PPP1R1C: variants seen among roughly 807,000 people sequenced by gnomAD.
PPP1R1C encodes protein phosphatase 1 regulatory inhibitor subunit 1C.
In PPP1R1C, 15 loss-of-function variants were observed where a neutral mutation model predicts 17.4. The observed-to-expected ratio is 0.86, with a 90% CI of 0.58 to 1.33. The LOEUF is 1.33. Ranked by LOEUF, PPP1R1C falls within the 40% of genes most tolerant of loss-of-function variation. The pLI is 0.00. For synonymous variants in PPP1R1C, 35 were observed against 43.1 expected (o/e 0.81, Z 0.73); for missense variants, 143 against 130.0 (o/e 1.10, Z -0.48).
intron 4 of PPP1R1C, among the ~76,000 whole-genome samples, chr2:182,108,515 T>C (rs1689321175): frequency 1.3e-5 from 2 of 152,228 alleles, no homozygotes; most frequent in Non-Finnish European, 2.9e-5. Flanking sequence ...TAATGATGAC[T>C]TCCACATTAA....
intron 4 of PPP1R1C, among the ~76,000 whole-genome samples, chr2:182,102,100 TAAGA>T (rs1260745333): frequency 1.3e-5 from 2 of 152,366 alleles, no homozygotes; most frequent in East Asian, 3.9e-4. Context: ...ATTGAGCTAC[TAAGA>T]ATTAACTATA....
chr2:182,107,555 G>T (rs1689290477), intron 4 of PPP1R1C, among the ~76,000 whole-genome samples: 1 of 152,112 alleles, frequency 6.6e-6, no homozygotes, highest in African/African-American at 2.4e-5. Flanking sequence ...CCTAGTGTTG[G>T]CCTACTCCTC....
At chr2:182,107,944 G>T (rs1040257712) in intron 4 of PPP1R1C, among the ~76,000 whole-genome samples, 1 of 151,818 alleles carries the variant, frequency 6.6e-6, no homozygotes, top group Non-Finnish European at 1.5e-5. Flanking sequence ...TCCTTCAGTT[G>T]TGCAATATAG....
At chr2:182,025,207 A>T (rs938028712) in intron 2 of PPP1R1C, among the ~76,000 whole-genome samples, 169 of 148,006 alleles carry the variant, frequency 1.1e-3, no homozygotes, top group Admixed American at 4.3e-3. Flanking sequence ...TTATTTATTT[A>T]TTTATTTATT....
At chr2:182,095,550 G>A (rs1017730258) in intron 4 of PPP1R1C, among the ~76,000 whole-genome samples, 1 of 152,098 alleles carries the variant, frequency 6.6e-6, no homozygotes, top group Admixed American at 6.5e-5. Flanking sequence ...TTTTAGTGTG[G>A]CTCCTTTATC....
At chr2:182,022,937 G>T (rs546851827) in intron 2 of PPP1R1C, among the ~76,000 whole-genome samples, 1 of 152,308 alleles carries the variant, frequency 6.6e-6, no homozygotes, top group East Asian at 1.9e-4. Flanking sequence ...AAAAGTGGAT[G>T]TAGAAATACC....
In PPP1R1C at chr2:181,997,053, C is replaced by G. The variant is rs371046912; in HGVS notation, c.142+9154C>G. Among the ~76,000 whole-genome samples, 49 of 151,882 alleles carry G rather than the reference C, an allele frequency of 3.2e-4. No homozygotes were observed. In the South Asian group the frequency reaches 6.9e-3, roughly 21 times the overall value. On this transcript the variant is annotated intron_variant, in intron 2 of 4. Coordinates refer to ENST00000682840, the MANE Select transcript of PPP1R1C (RefSeq NM_001080545.3). ...GACCATCCTGGCTAACATGGTGAAA[C>G]CCTGTCTTTACTAGAAATACAAAAC...
At chr2:182,008,355 TA>T (rs372701399) in intron 2 of PPP1R1C, among the ~76,000 whole-genome samples, 89 of 150,772 alleles carry the variant, frequency 5.9e-4, no homozygotes, top group East Asian at 2.7e-3. Flanking sequence ...TGGCTTACAA[TA>T]AAAAAAAACA....
intron 4 of PPP1R1C, among the ~76,000 whole-genome samples, chr2:182,068,633 C>T (rs968089230): frequency 3.3e-5 from 5 of 152,150 alleles, no homozygotes; most frequent in Admixed American, 6.5e-5. Flanking sequence ...CACCTAGCTC[C>T]GGTCCTCAGA....
At chr2:181,974,031 G>T (rs953773996) in intron 1 of PPP1R1C, among the ~76,000 whole-genome samples, 1 of 151,818 alleles carries the variant, frequency 6.6e-6, no homozygotes. Flanking sequence ...ATGTTAAATA[G>T]TAGCATTTTA....
intron 2 of PPP1R1C, among the ~76,000 whole-genome samples, chr2:182,003,048 G>A (rs1349705640): frequency 6.6e-6 from 1 of 151,416 alleles, no homozygotes; most frequent in Non-Finnish European, 1.5e-5. Context: ...CTTCAGCAGT[G>A]GAGGTTAACA....
chr2:182,019,793 A>G (rs1399735419), intron 2 of PPP1R1C, among the ~76,000 whole-genome samples: 1 of 152,210 alleles, frequency 6.6e-6, no homozygotes, highest in East Asian at 1.9e-4. Context: ...GACAGCATTG[A>G]AATAAGCTCC....
intron 4 of PPP1R1C, among the ~76,000 whole-genome samples, chr2:182,098,869 C>CTTGCA (rs1052367928): frequency 4.6e-5 from 7 of 152,176 alleles, no homozygotes; most frequent in African/African-American, 1.7e-4. Context: ...AGTCCTATGC[C>CTTGCA]TTGCATTATC....
upstream of PPP1R1C, among the ~76,000 whole-genome samples, chr2:181,982,581 A>G (rs1381531467): frequency 6.6e-6 from 1 of 152,172 alleles, no homozygotes; most frequent in African/African-American, 2.4e-5. Context: ...GAACAAATTG[A>G]GTGATTCTTC....
exon 6 of PPP1R1C, chr2:182,129,880 C>A (rs1489091318): frequency 6.6e-6 from 1 of 152,060 alleles, no homozygotes; most frequent in Non-Finnish European, 1.5e-5. Flanking sequence ...GATACTTTTG[C>A]TAATGAGGCT....
chr2:181,976,561 G>A lies in PPP1R1C; in HGVS notation n.157+1297G>A, dbSNP rs892268707. On this transcript the variant is annotated intron_variant and non_coding_transcript_variant, in intron 2 of 5. Coordinates refer to the PPP1R1C transcript ENST00000464264. This position sits in a 1 kb window ranked among gnomAD's most constrained non-coding sequence, Gnocchi z 4.8. ...CTGGCCTACTGTTCAGGAATCCTGA[G>A]TAATTCTCCTCACCTTAATATAAAT... is the stretch of plus-strand genomic sequence containing the variant. Among the ~76,000 whole-genome samples, 2 of 152,158 alleles carry A rather than the reference G, an allele frequency of 1.3e-5. No individual in the cohort carries two copies. Among genetic ancestry groups the A allele is most frequent in the African/African-American group, 2.4e-5 (1 of 41,446 alleles).
At chr2:181,999,112 C>T (rs1340468292) in intron 2 of PPP1R1C, among the ~76,000 whole-genome samples, 2 of 152,254 alleles carry the variant, frequency 1.3e-5, no homozygotes, top group Admixed American at 6.5e-5. Flanking sequence ...GGAATCAAGA[C>T]AAACACCAGC....
chr2:182,056,922 T>C (rs1305596662), intron 2 of PPP1R1C, among the ~76,000 whole-genome samples: 1 of 152,202 alleles, frequency 6.6e-6, no homozygotes, highest in Non-Finnish European at 1.5e-5. Flanking sequence ...AATTTGAGTG[T>C]CTGTAGCATT....
intron 2 of PPP1R1C, among the ~76,000 whole-genome samples, chr2:182,059,688 T>C (rs1208934500): frequency 1.3e-5 from 2 of 151,942 alleles, no homozygotes; most frequent in Non-Finnish European, 2.9e-5. Flanking sequence ...CTTCACGACA[T>C]AAATAATTGA....
Sources: gnomAD v4.1 joint callset for allele counts (sites outside exome capture counted in the v4.1 genomes callset) on GRCh38, gnomAD v4.1.1 for gene constraint, Gnocchi (gnomAD v3.1) non-coding constraint, MANE v1.5 for transcripts, NCBI Gene and HGNC (gene_info 2026-07-23, HGNC 2026-07-21) for gene names.